The following IFT80 variants were observed in gnomAD, a reference collection of about 807,000 sequenced individuals.
IFT80 encodes intraflagellar transport protein 80 homolog.
In IFT80, 79 loss-of-function variants were observed where a neutral mutation model predicts 107.9. The observed-to-expected ratio is 0.73, with a 90% CI of 0.61 to 0.88. The LOEUF (loss-of-function observed/expected upper bound fraction) is 0.88. Ranked by LOEUF, IFT80 falls within the 40% of genes least tolerant of loss-of-function variation. IFT80 has a pLI of 0.00. For missense variants in IFT80, 797 were observed against 914.2 expected, an observed-to-expected ratio of 0.87 and a Z score of 1.65; for synonymous variants, 299 against 300.9, an observed-to-expected ratio of 0.99 and a Z score of 0.07.
chr3:160,326,708 G>A (rs908827705), intron 8 of IFT80, among the ~76,000 whole-genome samples: 2 of 151,976 alleles, frequency 1.3e-5, no homozygotes, highest in African/African-American at 4.8e-5. Flanking sequence ...CTTACAGCCA[G>A]TATCACACTG....
chr3:160,379,691 T>G lies in IFT80; in HGVS notation c.259+1812A>C, dbSNP rs553502358. ...TTGTTTGTACAATTCTTAAAACTTT[T>G]CTGTAAATGCAAAATTATATCAAAA... On this transcript the variant is annotated intron_variant, in intron 3 of 19. Coordinates refer to ENST00000326448, the MANE Select transcript of IFT80 (RefSeq NM_020800.3). Among the ~76,000 whole-genome samples, 62 of 152,296 alleles carry G rather than the reference T, an allele frequency of 4.1e-4. No individual in the cohort carries two copies. The South Asian group carries it at 0.012, about 31-fold the overall frequency.
At chr3:160,275,307 G>T (rs373506947) in intron 18 of IFT80, among the ~76,000 whole-genome samples, 13 of 152,104 alleles carry the variant, frequency 8.5e-5, no homozygotes, top group Non-Finnish European at 1.5e-5. Flanking sequence ...GTACTGAACC[G>T]TATCAATCTA....
intron 8 of IFT80, among the ~76,000 whole-genome samples, chr3:160,346,444 G>A (rs2108344603): frequency 6.6e-6 from 1 of 152,210 alleles, no homozygotes; most frequent in African/African-American, 2.4e-5. Flanking sequence ...GTCCAATGCT[G>A]GGCATTCTCA....
intron 11 of IFT80, among the ~76,000 whole-genome samples, chr3:160,303,101 A>C (rs1325290214): frequency 6.6e-6 from 1 of 152,182 alleles, no homozygotes; most frequent in Admixed American, 6.5e-5. Context: ...CTGATAATAA[A>C]CACTATTAAG....
At chr3:160,313,114 A>G (rs558220054) in intron 9 of IFT80, among the ~76,000 whole-genome samples, 1 of 120,294 alleles carries the variant, frequency 8.3e-6, no homozygotes, top group South Asian at 2.3e-4. Flanking sequence ...TTTTATATAT[A>G]TTTAAATCTT....
At chr3:160,325,779 A>G (rs887148975) in intron 8 of IFT80, among the ~76,000 whole-genome samples, 5 of 152,102 alleles carry the variant, frequency 3.3e-5, no homozygotes, top group African/African-American at 9.7e-5. Flanking sequence ...ATAATTTTGT[A>G]CATGAAACAA....
At chr3:160,359,629 C>T (rs1291883827) in intron 6 of IFT80, among the ~76,000 whole-genome samples, 1 of 152,158 alleles carries the variant, frequency 6.6e-6, no homozygotes, top group African/African-American at 2.4e-5. Flanking sequence ...GACTAAGCTT[C>T]CAGAGGAAGG....
intron 8 of IFT80, among the ~76,000 whole-genome samples, chr3:160,328,544 G>C (rs558170567): frequency 1.3e-5 from 2 of 151,568 alleles, no homozygotes; most frequent in Non-Finnish European, 2.9e-5. Flanking sequence ...TTACACTGTC[G>C]GTGGGAGTGT....
At chr3:160,266,028 A>C (rs1713290005) in intron 19 of IFT80, among the ~76,000 whole-genome samples, 1 of 152,116 alleles carries the variant, frequency 6.6e-6, no homozygotes, top group South Asian at 2.1e-4. Context: ...GAAATTTTTA[A>C]GAAAAAAATA....
intron 8 of IFT80, among the ~76,000 whole-genome samples, chr3:160,337,275 A>C (rs1453080465): frequency 6.6e-6 from 1 of 152,182 alleles, no homozygotes; most frequent in Non-Finnish European, 1.5e-5. Flanking sequence ...ATATTTATGA[A>C]AACATTCCGT....
chr3:160,300,190 A>G (rs1039061401), intron 12 of IFT80, among the ~76,000 whole-genome samples: 3 of 152,064 alleles, frequency 2.0e-5, no homozygotes, highest in Non-Finnish European at 4.4e-5. Context: ...ACAATTTATT[A>G]TATATTTATT....
Position 160,352,102 on chromosome 3 carries a change from G to C in IFT80, c.777+3911C>G, listed in dbSNP as rs189392980. On this transcript the variant is annotated intron_variant, in intron 8 of 19. Transcript: ENST00000326448. ...GCGATCTTGGCTCACTGCAAGCTCTGCCTCCCGGGTTCACGCCATTCTCCT... is the reference window on the plus strand; with the variant it reads ...GCGATCTTGGCTCACTGCAAGCTCTCCCTCCCGGGTTCACGCCATTCTCCT... Among the ~76,000 whole-genome samples, 838 of 150,888 alleles carry C rather than the reference G, an allele frequency of 5.6e-3. 6 individuals carry two copies. Among genetic ancestry groups the C allele is most frequent in the Middle Eastern group, 0.014 (4 of 294 alleles).
rs145260423 is a variant in IFT80 at position 160,353,598 on chromosome 3, C to T, written c.777+2415G>A. Reference sequence around the variant, plus strand: ...GTTTCTTTTGCCTGTAACTCTCTTCCCCAACTTTGTCTCCTTGGAGAACTA... The same window carrying T: ...GTTTCTTTTGCCTGTAACTCTCTTCTCCAACTTTGTCTCCTTGGAGAACTA... On this transcript the variant is annotated intron_variant, in intron 8 of 19. Coordinates refer to ENST00000326448, the MANE Select transcript of IFT80 (RefSeq NM_020800.3). Among the ~76,000 whole-genome samples the T allele has an allele frequency of 3.7e-3, 556 of 152,262 alleles. 3 individuals carry two copies. Among genetic ancestry groups the T allele is most frequent in the African/African-American group, 0.012 (488 of 41,560 alleles).
At chr3:160,354,446 G>T (rs976818578) in intron 8 of IFT80, among the ~76,000 whole-genome samples, 2 of 151,934 alleles carry the variant, frequency 1.3e-5, no homozygotes, top group Non-Finnish European at 2.9e-5. Context: ...TCAGGAGATC[G>T]AGACCATCCT....
At chr3:160,387,476 C>T (rs910791182) in intron 1 of IFT80, among the ~76,000 whole-genome samples, 6 of 152,122 alleles carry the variant, frequency 3.9e-5, no homozygotes, top group Non-Finnish European at 8.8e-5. Context: ...TGCACTCCAG[C>T]CTGGGCGTCA....
rs1398626272 is a variant in IFT80 at position 160,258,508 on chromosome 3, A to G, written c.*17T>C. 2 of 1,613,552 alleles carry G rather than the reference A, an allele frequency of 1.2e-6. No homozygotes were observed. The highest frequency in any genetic ancestry group is 1.1e-5 in the South Asian group (1 of 91,072). On this transcript the variant is annotated 3_prime_UTR_variant, in exon 20 of 20. Coordinates refer to ENST00000326448, the MANE Select transcript of IFT80 (RefSeq NM_020800.3). ...CGTGTTTCAAAAGATAAAATTTCTTAAAGATACGCATGGCATTTAGGGCTT... is the reference window on the plus strand; with the variant it reads ...CGTGTTTCAAAAGATAAAATTTCTTGAAGATACGCATGGCATTTAGGGCTT...
chr3:160,286,632 C>T (rs1448038645), intron 12 of IFT80, among the ~76,000 whole-genome samples: 1 of 152,114 alleles, frequency 6.6e-6, no homozygotes, highest in Non-Finnish European at 1.5e-5. Flanking sequence ...TTTGGTGGGT[C>T]TGAAGTTGAG....
At chr3:160,315,130 G>A (rs1051515546) in intron 9 of IFT80, among the ~76,000 whole-genome samples, 2 of 151,386 alleles carry the variant, frequency 1.3e-5, no homozygotes, top group African/African-American at 2.4e-5. Flanking sequence ...GGGAGGGTAT[G>A]GTCACATTCT....
intron 4 of IFT80, among the ~76,000 whole-genome samples, chr3:160,376,919 A>T (rs917564817): frequency 6.6e-6 from 1 of 152,150 alleles, no homozygotes; most frequent in African/African-American, 2.4e-5. Flanking sequence ...GCATCCAACA[A>T]TTTGACCAGA....
Sources: allele counts gnomAD v4.1 joint callset (sites outside exome capture counted in the v4.1 genomes callset), GRCh38; gene constraint gnomAD v4.1.1; transcripts MANE v1.5; gene names NCBI Gene and HGNC (gene_info 2026-07-23, HGNC 2026-07-21).